Variants in ABCB9 observed in about 807,000 individuals in gnomAD.
The protein encoded by ABCB9 is ABC-type oligopeptide transporter ABCB9.
ABCB9 carries 36 observed loss-of-function variants against 62.0 expected under a neutral mutation model. That is an observed-to-expected ratio of 0.58 (90% confidence interval 0.45 to 0.77). ABCB9 has a LOEUF of 0.77. Ranked by LOEUF, ABCB9 falls within the 30% of genes least tolerant of loss-of-function variation. ABCB9 has a pLI of 0.00. For synonymous variants in ABCB9, 435 were observed against 461.4 expected (o/e 0.94, Z 0.73); for missense variants, 943 against 1,054.7 (o/e 0.89, Z 1.47).
Position 122,960,284 on chromosome 12 carries a change from G to C in ABCB9, c.-49C>G. On this transcript the variant is annotated 5_prime_UTR_variant, in exon 2 of 12. Coordinates refer to ENST00000280560, the MANE Select transcript of ABCB9 (RefSeq NM_019625.4). ...TGCTGAAGGCCAGGTTGTAGCTCAC[G>C]GGGGCAAGGCCATCATCATCCACAG... 1.9e-6 allele frequency: 3 copies of C among 1,577,850 alleles called. No homozygotes were observed. The highest frequency in any genetic ancestry group is 2.6e-6 in the Non-Finnish European group (3 of 1,160,694).
In ABCB9 at chr12:122,949,792, G is replaced by A; in HGVS notation, c.843C>T (p.Arg281=). 8 of 1,614,160 alleles carry A rather than the reference G, an allele frequency of 5.0e-6. No individual in the cohort carries two copies. Among genetic ancestry groups the A allele is most frequent in the Non-Finnish European group, 5.9e-6 (7 of 1,179,990 alleles). The part of the protein sequence containing the change: ...SQETSFFDEN[R]TGDLISRLTS... ...TAGGGCACTGGAAGGACCAACCTGT[G>A]CGGTTCTCATCAAAGAAGCTTGTCT... is the stretch of plus-strand genomic sequence containing the variant. The change falls in exon 4 of 12, where the codon CGC becomes CGT. Residue 281 remains arginine, a synonymous_variant. Transcript: ENST00000280560.
At chr12:122,922,463 T>G (rs1011567858) in intron 11 of ABCB9, among the ~76,000 whole-genome samples, 2 of 150,478 alleles carry the variant, frequency 1.3e-5, no homozygotes, top group Non-Finnish European at 3.0e-5. Flanking sequence ...CATTGCAACC[T>G]CCGCCTCCCG....
rs187576420 is a variant in ABCB9, at chr12:122,940,770, A to G, written c.1569+37T>C. The G allele has an allele frequency of 4.3e-5, 65 of 1,528,294 alleles. No individual in the cohort carries two copies. In the African/African-American group the frequency reaches 8.4e-4, roughly 20 times the overall value. 94.7% of individuals were successfully genotyped at this position (1,528,294 alleles called of 1,614,324 possible). A position where few individuals can be genotyped will look rare whatever the true frequency, so the allele number is the denominator to read the frequency against. ...GGTGCACCAGAAATGGGGTGACGGA[A>G]AGGCTGATTCTGGCAGGCCTCAAGC... On this transcript the variant is annotated intron_variant, in intron 8 of 11. Coordinates refer to ENST00000280560, the MANE Select transcript of ABCB9 (RefSeq NM_019625.4). The surrounding 1 kb of genome is among the most constrained non-coding windows in gnomAD (Gnocchi z 4.8).
intron 5 of ABCB9, among the ~76,000 whole-genome samples, chr12:122,946,644 AG>A (rs2036059603): frequency 6.6e-6 from 1 of 152,250 alleles, no homozygotes; most frequent in Non-Finnish European, 1.5e-5. Flanking sequence ...CAACTATTAA[AG>A]GGGCACCATT....
At chr12:122,948,866 C>A (rs1220736230) in intron 4 of ABCB9, 37 bp from the exon 5 acceptor site, 1 of 1,454,570 alleles carries the variant, frequency 6.9e-7, no homozygotes, top group African/African-American at 1.5e-5. Flanking sequence ...CCACAGCAAC[C>A]CGGGCCTTGG....
At chr12:122,919,014 A>G (rs1444639289), downstream of ABCB9, among the ~76,000 whole-genome samples, 1 of 152,116 alleles carries the variant, frequency 6.6e-6, no homozygotes, top group African/African-American at 2.4e-5. Flanking sequence ...CCTGCCTGGC[A>G]TCTTTCATTT....
At chr12:122,924,490 G>A (rs371699721), downstream of ABCB9, 39 of 746,250 alleles carry the variant, frequency 5.2e-5, no homozygotes, top group East Asian at 1.0e-3. Flanking sequence ...TAAGCCTCCC[G>A]AGTAGCTGGA....
At chr12:122,971,345 C>A (rs1157703788), upstream of ABCB9, among the ~76,000 whole-genome samples, 1 of 148,170 alleles carries the variant, frequency 6.7e-6, no homozygotes, top group African/African-American at 2.5e-5. Context: ...TGAGATCATG[C>A]CACTGCAGTC....
intron 1 of ABCB9, among the ~76,000 whole-genome samples, chr12:122,963,150 T>C (rs1457370922): frequency 6.6e-6 from 1 of 151,988 alleles, no homozygotes; most frequent in African/African-American, 2.4e-5. Flanking sequence ...ATACAAAAAT[T>C]AGCCGAGCAT....
upstream of ABCB9, among the ~76,000 whole-genome samples, chr12:122,971,192 G>A (rs920996461): frequency 2.6e-5 from 4 of 151,882 alleles, no homozygotes; most frequent in African/African-American, 9.7e-5. Context: ...AGACCAGCCT[G>A]GCCAATATGG....
intron 9 of ABCB9, among the ~76,000 whole-genome samples, chr12:122,939,117 A>G (rs2035608005): frequency 6.6e-6 from 1 of 152,192 alleles, no homozygotes; most frequent in South Asian, 2.1e-4. Context: ...GGCTGCAGTG[A>G]GCTGAGATCT....
rs890027352 is a variant in ABCB9, at chr12:122,959,548, G to A, written c.601+87C>T. On this transcript the variant is annotated intron_variant, in intron 2 of 11. Transcript: ENST00000280560. This position sits in a 1 kb window ranked among gnomAD's most constrained non-coding sequence, Gnocchi z 5.4. Reference sequence around the variant, plus strand: ...CATATCAATTTGATGTCTGAACCACGTAAGTAAAATCTTTTAAAATCTAAG... The same window carrying A: ...CATATCAATTTGATGTCTGAACCACATAAGTAAAATCTTTTAAAATCTAAG... 76 of 1,501,446 alleles carry A rather than the reference G, an allele frequency of 5.1e-5. No homozygotes were observed. Among genetic ancestry groups the A allele is most frequent in the Non-Finnish European group, 6.5e-5 (73 of 1,124,146 alleles). The allele number at this position is 1,501,446 out of a possible 1,614,324, so 93.0% of individuals were successfully genotyped here. A position where few individuals can be genotyped will look rare whatever the true frequency, so the allele number is the denominator to read the frequency against.
downstream of ABCB9, among the ~76,000 whole-genome samples, chr12:122,920,563 C>T (rs764380795): frequency 1.3e-5 from 2 of 151,956 alleles, no homozygotes; most frequent in Non-Finnish European, 2.9e-5. Context: ...CTGCATTAAC[C>T]GTAGTAGCTG....
At chr12:122,918,800 T>C, downstream of ABCB9, among the ~76,000 whole-genome samples, 1 of 152,092 alleles carries the variant, frequency 6.6e-6, no homozygotes, top group East Asian at 1.9e-4. Flanking sequence ...GTATTAAATG[T>C]ATTCACAATA....
intron 6 of ABCB9, among the ~76,000 whole-genome samples, chr12:122,945,084 C>T (rs1479686440): frequency 6.6e-6 from 1 of 152,236 alleles, no homozygotes; most frequent in African/African-American, 2.4e-5. Context: ...CTGTCTGGAC[C>T]ACCGTGCCTT....
At chr12:122,928,801 C>T (rs939598237), downstream of ABCB9, among the ~76,000 whole-genome samples, 2 of 152,150 alleles carry the variant, frequency 1.3e-5, no homozygotes, top group African/African-American at 2.4e-5. Context: ...TGGAGACAGG[C>T]AGACAGGAAT....
At chr12:122,945,423 T>C (rs950788592) in intron 6 of ABCB9, among the ~76,000 whole-genome samples, 1 of 152,000 alleles carries the variant, frequency 6.6e-6, no homozygotes, top group African/African-American at 2.4e-5. Context: ...TGCCAGACAC[T>C]GTCGGGAGTG....
intron 7 of ABCB9, among the ~76,000 whole-genome samples, chr12:122,943,849 C>G (rs1477208092): frequency 6.6e-6 from 1 of 152,120 alleles, no homozygotes; most frequent in Non-Finnish European, 1.5e-5. Flanking sequence ...GATCACGGCT[C>G]ACTGCGGCCT....
chr12:122,940,801 C>T lies in ABCB9; in HGVS notation c.1569+6G>A. ...GATTCTGGCAGGCCTCAAGCCGCGC[C>T]CTCACCTGCAGGACCTGGGTGTGGG... On this transcript the variant is annotated splice_donor_region_variant and intron_variant, in intron 8 of 11. Coordinates refer to ENST00000280560, the MANE Select transcript of ABCB9 (RefSeq NM_019625.4). The surrounding 1 kb of genome is among the most constrained non-coding windows in gnomAD (Gnocchi z 4.8). 1.3e-6 allele frequency: 2 copies of T among 1,574,936 alleles called. No individual in the cohort carries two copies. Among genetic ancestry groups the T allele is most frequent in the Non-Finnish European group, 1.7e-6 (2 of 1,153,020 alleles).
Sources: gnomAD v4.1 joint callset for allele counts (sites outside exome capture counted in the v4.1 genomes callset) on GRCh38, gnomAD v4.1.1 for gene constraint, Gnocchi (gnomAD v3.1) non-coding constraint, MANE v1.5 for transcripts, NCBI Gene and HGNC (gene_info 2026-07-23, HGNC 2026-07-21) for gene names.